Variants in MYO1E observed in about 807,000 individuals in gnomAD.
MYO1E encodes myosin IE, also known as unconventional myosin-Ie.
Under a neutral mutation model 151.1 loss-of-function variants are expected in MYO1E, and 68 were observed. That is an observed-to-expected ratio of 0.45 (90% CI 0.37 to 0.55). The LOEUF is 0.55. Ranked by LOEUF, MYO1E falls within the 20% of genes least tolerant of loss-of-function variation. MYO1E has a pLI of 0.00. For synonymous variants in MYO1E, 601 were observed against 501.7 expected (o/e 1.20, Z -2.64); for missense variants, 1,363 against 1,389.3 (o/e 0.98, Z 0.30).
intron 18 of MYO1E, among the ~76,000 whole-genome samples, chr15:59,184,879 T>C (rs866102388): frequency 6.6e-6 from 1 of 152,236 alleles, no homozygotes; most frequent in South Asian, 2.1e-4. Context: ...TTCCCCATAG[T>C]AGTTATACTA....
intron 1 of MYO1E, among the ~76,000 whole-genome samples, chr15:59,273,291 G>T (rs1156808877): frequency 6.6e-6 from 1 of 152,162 alleles, no homozygotes; most frequent in African/African-American, 2.4e-5. Context: ...TTTCTGTAGT[G>T]GGGTCCCCCA....
intron 1 of MYO1E, among the ~76,000 whole-genome samples, chr15:59,307,003 G>A (rs563770897): frequency 3.3e-5 from 5 of 152,326 alleles, no homozygotes; most frequent in Admixed American, 6.5e-5. Flanking sequence ...AAGTGGAACC[G>A]CTGGTCAGAG....
chr15:59,202,417 G>T lies in MYO1E; in HGVS notation c.1617-10C>A. The T allele has an allele frequency of 1.2e-6, 2 of 1,611,664 alleles. No homozygotes were observed. Among genetic ancestry groups the T allele is most frequent in the South Asian group, 2.2e-5 (2 of 91,020 alleles). On this transcript the variant is annotated splice_polypyrimidine_tract_variant and intron_variant, in intron 15 of 27. Transcript: ENST00000288235. The stretch of plus-strand genomic sequence containing the variant: ...AGACTTTATGAAAGGCCTGGAAAAG[G>T]AGAAAGAGAATGAATTAACAATCTG...
chr15:59,269,277 T>C (rs192974603), intron 2 of MYO1E, among the ~76,000 whole-genome samples: 4 of 152,278 alleles, frequency 2.6e-5, no homozygotes. Flanking sequence ...ATTTTATTAT[T>C]ACTCCCATTT....
chr15:59,340,339 T>A (rs12441049), intron 1 of MYO1E, among the ~76,000 whole-genome samples: 2 of 151,858 alleles, frequency 1.3e-5, no homozygotes, highest in African/African-American at 4.8e-5. Context: ...AAACCCCGCC[T>A]GATCGTTAAA....
At chr15:59,176,305 C>T (rs1018906307) in intron 19 of MYO1E, among the ~76,000 whole-genome samples, 25 of 152,138 alleles carry the variant, frequency 1.6e-4, no homozygotes, top group Non-Finnish European at 2.9e-4. Flanking sequence ...CGTGATCTGC[C>T]GGCCTCAGCC....
chr15:59,347,544 TTTAA>T (rs1422585627), intron 1 of MYO1E, among the ~76,000 whole-genome samples: 8 of 152,138 alleles, frequency 5.3e-5, no homozygotes, highest in Non-Finnish European at 8.8e-5. Context: ...TAAAAAGGAA[TTTAA>T]TTAGTAAAGT....
At chr15:59,319,614 C>T (rs1368294917) in intron 1 of MYO1E, among the ~76,000 whole-genome samples, 4 of 133,994 alleles carry the variant, frequency 3.0e-5, no homozygotes, top group Non-Finnish European at 4.7e-5. Flanking sequence ...CTAAAAAACC[C>T]CAGAGACAGC....
intron 4 of MYO1E, among the ~76,000 whole-genome samples, chr15:59,249,641 C>A (rs1263395185): frequency 6.6e-6 from 1 of 152,078 alleles, no homozygotes; most frequent in Non-Finnish European, 1.5e-5. Context: ...TAAAACACCA[C>A]CATAGAAATT....
Position 59,323,592 on chromosome 15 carries a change from C to G in MYO1E, c.3+48906G>C, listed in dbSNP as rs1423715587. Reference sequence around the variant, plus strand: ...AATGGCATGACCCCGGGAGGTGGAGCTTACAAGAAGCCGAGATCGCACCAC... The same window carrying G: ...AATGGCATGACCCCGGGAGGTGGAGGTTACAAGAAGCCGAGATCGCACCAC... On this transcript the variant is annotated intron_variant, in intron 1 of 27. Transcript: ENST00000288235. Among the ~76,000 whole-genome samples the G allele has an allele frequency of 2.0e-5, 3 of 151,504 alleles. No individual in the cohort carries two copies. In the East Asian group the frequency reaches 5.8e-4, roughly 29 times the overall value.
At chr15:59,202,744 TTTTTG>T (rs1478962300) in intron 15 of MYO1E, among the ~76,000 whole-genome samples, 1 of 151,984 alleles carries the variant, frequency 6.6e-6, no homozygotes, top group East Asian at 1.9e-4. Flanking sequence ...GGATTTTAGG[TTTTTG>T]TTTTGTTTTT....
chr15:59,153,676 A>T lies in MYO1E; in HGVS notation c.2994T>A (p.Pro998=). Residue 998 remains proline, a synonymous_variant, in exon 26 of 28, where the codon CCT becomes CCA. Coordinates refer to ENST00000288235, the MANE Select transcript of MYO1E (RefSeq NM_004998.4). ...GGTCTGAACTGGTAGACTGCTGCCG[A>T]GGCAAGGGCGGGCGGGCCATGGAGG... ...LYTSMARPPL[P]RQQSTSSDRV... The T allele has an allele frequency of 6.2e-7, 1 of 1,614,164 alleles. No homozygotes were observed.
chr15:59,187,035 A>G (rs555122182), intron 18 of MYO1E, among the ~76,000 whole-genome samples: 1 of 152,332 alleles, frequency 6.6e-6, no homozygotes, highest in South Asian at 2.1e-4. Context: ...TTTTAAGCTT[A>G]TTGTCTTAAG....
chr15:59,177,585 C>T (rs2079632698), intron 19 of MYO1E, among the ~76,000 whole-genome samples: 1 of 152,162 alleles, frequency 6.6e-6, no homozygotes, highest in Non-Finnish European at 1.5e-5. Flanking sequence ...AGCCTCGGTT[C>T]CAGCAGTTTC....
intron 20 of MYO1E, 60 bp downstream of exon 20, chr15:59,174,066 T>G: frequency 2.0e-6 from 3 of 1,532,946 alleles, no homozygotes; most frequent in Non-Finnish European, 9.0e-7. Context: ...AAAACTTCAC[T>G]TAAGCTCCAA....
At chr15:59,367,151 A>T (rs2080919152) in intron 1 of MYO1E, among the ~76,000 whole-genome samples, 1 of 152,168 alleles carries the variant, frequency 6.6e-6, no homozygotes, top group South Asian at 2.1e-4. Flanking sequence ...ATAAAAAGAG[A>T]TTTCTCAAAT....
At chr15:59,276,059 C>T (rs2080316887) in intron 1 of MYO1E, among the ~76,000 whole-genome samples, 1 of 152,118 alleles carries the variant, frequency 6.6e-6, no homozygotes, top group Non-Finnish European at 1.5e-5. Flanking sequence ...CAAACTACCG[C>T]CCTAGAATTG....
chr15:59,231,959 C>A (rs1243046867), intron 5 of MYO1E, among the ~76,000 whole-genome samples, 168 bp from the exon 6 acceptor site: 1 of 152,178 alleles, frequency 6.6e-6, no homozygotes, highest in Non-Finnish European at 1.5e-5. Context: ...CCATGACAGA[C>A]CTCAACCTGT....
intron 2 of MYO1E, among the ~76,000 whole-genome samples, chr15:59,268,457 TG>T (rs779593573): frequency 1.4e-4 from 21 of 152,322 alleles, no homozygotes; most frequent in Non-Finnish European, 5.9e-5. Context: ...CCTCTCTGTG[TG>T]AGTCATTTAA....
Sources: gnomAD v4.1 joint callset for allele counts (sites outside exome capture counted in the v4.1 genomes callset) on GRCh38, gnomAD v4.1.1 for gene constraint, MANE v1.5 for transcripts, NCBI Gene and HGNC (gene_info 2026-07-23, HGNC 2026-07-21) for gene names.